The following DCDC1 variants were observed in gnomAD, a reference collection of about 807,000 sequenced individuals.
DCDC1 encodes doublecortin domain containing 1.
Under a neutral mutation model 178.3 loss-of-function variants are expected in DCDC1, and 200 were observed. The ratio of observed to expected loss-of-function variants is 1.12; its 90% CI spans 1.00 to 1.26. The LOEUF (loss-of-function observed/expected upper bound fraction) is 1.26, where lower values mean the gene tolerates loss of function less well. Ranked by LOEUF, DCDC1 falls within the 50% of genes most tolerant of loss-of-function variation. The pLI, the probability that DCDC1 is intolerant of heterozygous loss-of-function variation, is 0.00. For synonymous variants in DCDC1, 690 were observed against 604.8 expected (o/e 1.14, Z -2.07); for missense variants, 1,983 against 1,749.2 (o/e 1.13, Z -2.38).
At chr11:30,932,663 C>T (rs1248036653) in intron 21 of DCDC1, among the ~76,000 whole-genome samples, 1 of 152,084 alleles carries the variant, frequency 6.6e-6, no homozygotes, top group Non-Finnish European at 1.5e-5. Flanking sequence ...GTAAGTATGA[C>T]GACAGGTTAC....
At chr11:31,324,497 G>C (rs1168461071) in intron 3 of DCDC1, among the ~76,000 whole-genome samples, 1 of 151,932 alleles carries the variant, frequency 6.6e-6, no homozygotes, top group Non-Finnish European at 1.5e-5. Flanking sequence ...TTTATATGTA[G>C]ATCTGCAGAA....
chr11:31,345,494 C>T (rs963081924), intron 1 of DCDC1, among the ~76,000 whole-genome samples: 1 of 151,934 alleles, frequency 6.6e-6, no homozygotes, highest in African/African-American at 2.4e-5. Flanking sequence ...CTAGAGAGCT[C>T]TACTACACAC....
intron 9 of DCDC1, among the ~76,000 whole-genome samples, chr11:31,191,834 C>T (rs994705145): frequency 6.6e-6 from 1 of 152,014 alleles, no homozygotes; most frequent in Non-Finnish European, 1.5e-5. Flanking sequence ...CTTGGTCATA[C>T]ATTTTCCTTT....
chr11:30,926,832 C>T (rs1471392271), intron 22 of DCDC1, among the ~76,000 whole-genome samples: 1 of 152,064 alleles, frequency 6.6e-6, no homozygotes, highest in African/African-American at 2.4e-5. Flanking sequence ...TATGGTGGTC[C>T]ATGCCAGTAA....
intron 20 of DCDC1, among the ~76,000 whole-genome samples, chr11:30,984,982 A>AC (rs1950570303): frequency 6.6e-6 from 1 of 152,202 alleles, no homozygotes; most frequent in African/African-American, 2.4e-5. Flanking sequence ...CAAAGTCCCC[A>AC]CATCTAACCT....
intron 9 of DCDC1, among the ~76,000 whole-genome samples, chr11:31,174,113 G>C (rs1967647408): frequency 6.6e-6 from 1 of 151,806 alleles, no homozygotes; most frequent in Admixed American, 6.6e-5. Context: ...CTGTGCTCTT[G>C]GGAGCCAGGA....
At chr11:31,139,007 C>A (rs921728718) in intron 9 of DCDC1, among the ~76,000 whole-genome samples, 2 of 150,092 alleles carry the variant, frequency 1.3e-5, no homozygotes, top group Admixed American at 1.3e-4. Flanking sequence ...AGGGCCAGAT[C>A]GTAAATATTT....
intron 8 of DCDC1, among the ~76,000 whole-genome samples, chr11:31,252,674 A>C (rs890061691): frequency 2.0e-5 from 3 of 152,146 alleles, no homozygotes; most frequent in East Asian, 1.9e-4. Context: ...CCAGATAAAT[A>C]GTTGAAGAGG....
In DCDC1 at chr11:30,920,837, G is replaced by T. The variant is rs760520245; in HGVS notation, c.3232C>A (p.Pro1078Thr). ...IFGEEKQVTEPEEKQMQEDPL... is the reference protein window; with the variant it reads ...IFGEEKQVTETEEKQMQEDPL... ...TCTTCTTGCATTTGCTTTTCTTCCG[G>T]TTCTGTAACTTGCTTCTCTTCTCCA... Residue 1078 changes from proline (P) to threonine (T), a missense_variant, in exon 25 of 39, where the codon CCG (proline) becomes ACG (threonine). Transcript: ENST00000684477. 1.2e-6 allele frequency: 2 copies of T among 1,613,622 alleles called. No individual in the cohort carries two copies. The highest frequency in any genetic ancestry group is 2.2e-5 in the South Asian group (2 of 91,026).
intron 10 of DCDC1, among the ~76,000 whole-genome samples, chr11:31,132,585 G>A (rs1962586537): frequency 6.6e-6 from 1 of 151,802 alleles, no homozygotes; most frequent in South Asian, 2.1e-4. Context: ...GACCTTTTGT[G>A]ATCCCAGCAT....
At chr11:31,192,647 C>T (rs1484980733) in intron 9 of DCDC1, among the ~76,000 whole-genome samples, 1 of 152,082 alleles carries the variant, frequency 6.6e-6, no homozygotes, top group Admixed American at 6.6e-5. Context: ...TCATTCCCTT[C>T]TCTGTACTAC....
intron 20 of DCDC1, among the ~76,000 whole-genome samples, chr11:30,980,021 T>C (rs1362886576): frequency 6.6e-6 from 1 of 152,166 alleles, no homozygotes; most frequent in East Asian, 1.9e-4. Context: ...TGAACACACA[T>C]GCAAACAATC....
Position 31,241,610 on chromosome 11 carries a change from A to C in DCDC1, c.1061T>G (p.Leu354Arg). ...RKIEDISKVPLLEKCLQNSIT... is the reference protein window; with the variant it reads ...RKIEDISKVPRLEKCLQNSIT... ...GGAATTTTGCAGGCATTTTTCAAGC[A>C]GAGGAACTATGCAAGAAAAGAAGGG... The change falls in exon 9 of 39, where the codon CTG (leucine) becomes CGG (arginine). Residue 354 changes from leucine (L) to arginine (R), a missense_variant. Coordinates refer to ENST00000684477, the MANE Select transcript of DCDC1 (RefSeq NM_001387274.1). 1 of 397,224 alleles carries C rather than the reference A, an allele frequency of 2.5e-6. No individual in the cohort carries two copies. Among genetic ancestry groups the C allele is most frequent in the Non-Finnish European group, 4.4e-6 (1 of 224,730 alleles). 24.6% of individuals were successfully genotyped at this position (397,224 alleles called of 1,614,324 possible).
At chr11:30,948,606 A>T (rs1243300407) in intron 21 of DCDC1, among the ~76,000 whole-genome samples, 1 of 152,202 alleles carries the variant, frequency 6.6e-6, no homozygotes, top group Non-Finnish European at 1.5e-5. Flanking sequence ...TTCAAACTAT[A>T]CTACAAGGTT....
chr11:31,085,764 G>A lies in DCDC1; in HGVS notation c.2237+5629C>T, dbSNP rs532270359. 2.4e-3 allele frequency among the ~76,000 whole-genome samples: 365 copies of A among 152,184 alleles called. 7 individuals carry two copies. The highest frequency in any genetic ancestry group is 3.7e-4 in the Non-Finnish European group (25 of 68,012). On this transcript the variant is annotated intron_variant, in intron 17 of 38. Transcript: ENST00000684477. ...GCTCTGTCACTCAGGGAGAAGTGCA[G>A]TGGTGCAATCACGGCTCACTGCTGC...
chr11:31,001,396 A>G (rs1006675280), intron 20 of DCDC1, among the ~76,000 whole-genome samples: 9 of 152,182 alleles, frequency 5.9e-5, no homozygotes, highest in Admixed American at 5.9e-4. Flanking sequence ...CAGAAACACT[A>G]AGAAATCTTT....
intron 9 of DCDC1, among the ~76,000 whole-genome samples, chr11:31,215,570 A>G (rs1049786607): frequency 1.3e-5 from 2 of 151,792 alleles, no homozygotes. Flanking sequence ...CAAGGTGGGC[A>G]GATCATGAGG....
chr11:31,098,257 T>C lies in DCDC1; in HGVS notation c.1983+3920A>G, dbSNP rs895178850. Among the ~76,000 whole-genome samples, 21 of 152,216 alleles carry C rather than the reference T, an allele frequency of 1.4e-4. 1 individual carries two copies. Among genetic ancestry groups the C allele is most frequent in the Admixed American group, 1.2e-3 (19 of 15,268 alleles). The stretch of plus-strand genomic sequence containing the variant: ...TGAAGTTTAAATCTCACCCATTTCA[T>C]GGAAACATCTAGTTTGATTGCCCTT... On this transcript the variant is annotated intron_variant, in intron 15 of 38. Coordinates refer to ENST00000684477, the MANE Select transcript of DCDC1 (RefSeq NM_001387274.1).
intron 1 of DCDC1, among the ~76,000 whole-genome samples, chr11:31,354,039 G>A (rs529241696): frequency 6.6e-6 from 1 of 152,326 alleles, no homozygotes; most frequent in Admixed American, 6.5e-5. Context: ...TGTAATCCCA[G>A]CACTTTGGGA....
Sources: gnomAD v4.1 joint callset for allele counts (sites outside exome capture counted in the v4.1 genomes callset) on GRCh38, gnomAD v4.1.1 for gene constraint, MANE v1.5 for transcripts, NCBI Gene and HGNC (gene_info 2026-07-23, HGNC 2026-07-21) for gene names.